The following CFAP92 variants were observed in gnomAD, a reference collection of about 807,000 sequenced individuals.
CFAP92 encodes uncharacterized protein CFAP92.
A neutral mutation model predicts 106.3 loss-of-function variants in CFAP92; 86 were observed. The ratio of observed to expected loss-of-function variants is 0.81; its 90% CI spans 0.68 to 0.97. The LOEUF is 0.97. Among genes scored for constraint, CFAP92 ranks in the 50% least tolerant of loss-of-function variants. The probability of loss-of-function intolerance (pLI) is 0.00; values close to 1 mark genes in which losing one functional copy is unlikely to be tolerated. For synonymous variants in CFAP92, 477 were observed against 506.4 expected, an observed-to-expected ratio of 0.94 and a Z score of 0.78; for missense variants, 1,204 against 1,283.8, an observed-to-expected ratio of 0.94 and a Z score of 0.95.
chr3:129,014,896 C>T, the CFAP92 span, among the ~76,000 whole-genome samples: 1 of 152,042 alleles, frequency 6.6e-6, no homozygotes, highest in Admixed American at 6.5e-5. The surrounding 1 kb of genome is among the most constrained non-coding windows in gnomAD (Gnocchi z 4.3). Context: ...CCCTCCTCAC[C>T]TGTACACACG....
intron 9 of CFAP92, among the ~76,000 whole-genome samples, chr3:128,949,394 G>A (rs1371469546): frequency 1.3e-5 from 2 of 152,218 alleles, no homozygotes; most frequent in African/African-American, 4.8e-5. Context: ...AAGAACTACC[G>A]ATAGATGCGG....
At chr3:128,968,380 A>T (rs1393833962) in intron 8 of CFAP92, 1 of 152,234 alleles carries the variant, frequency 6.6e-6, no homozygotes, top group Non-Finnish European at 1.5e-5. Context: ...CTAATTTGAA[A>T]TTGAAGATGA....
At chr3:128,917,612 A>C (rs746415803) in intron 12 of CFAP92, among the ~76,000 whole-genome samples, 4 of 152,246 alleles carry the variant, frequency 2.6e-5, no homozygotes, top group African/African-American at 4.8e-5. Context: ...CTAAGAATTT[A>C]ACATAAGAAA....
At position 128,993,295 on chromosome 3, in the gene CFAP92, G is replaced by A. The variant is rs1944335203; in HGVS notation, c.10C>T (p.His4Tyr). 3 of 1,613,106 alleles carry A rather than the reference G, an allele frequency of 1.9e-6. No individual in the cohort carries two copies. Among genetic ancestry groups the A allele is most frequent in the Non-Finnish European group, 2.5e-6 (3 of 1,179,724 alleles). The change falls in exon 2 of 16, where the codon CAT becomes TAT. Residue 4 changes from histidine to tyrosine, a missense_variant. His to Tyr is a moderately conservative substitution (Grantham distance 83). Transcript: ENST00000645291. ...GGGTCCTCTTCCCACTCCCAGGCATGTAGCGACATGCTGCAGAGCGCACTG... is the reference window on the plus strand; with the variant it reads ...GGGTCCTCTTCCCACTCCCAGGCATATAGCGACATGCTGCAGAGCGCACTG... MSL[H>Y]AWEWEEDPAS...
In CFAP92 at chr3:128,987,610, G is replaced by A; in HGVS notation, c.667+6C>T. ...TCCAGAACCATTTCAAATAAAACCA[G>A]AGCACCTGACTTATGAAAAGCTCCC... On this transcript the variant is annotated splice_donor_region_variant and intron_variant, in intron 4 of 15. Coordinates refer to ENST00000645291, the MANE Select transcript of CFAP92 (RefSeq NM_001394090.1). 1.2e-6 allele frequency: 2 copies of A among 1,612,850 alleles called. No individual in the cohort carries two copies. The highest frequency in any genetic ancestry group is 1.7e-6 in the Non-Finnish European group (2 of 1,179,142).
intron 2 of CFAP92, among the ~76,000 whole-genome samples, chr3:128,990,568 TA>T (rs1300720628): frequency 6.6e-6 from 1 of 152,202 alleles, no homozygotes; most frequent in Non-Finnish European, 1.5e-5. Context: ...CAAAACATTT[TA>T]AAGTAAGTTG....
At chr3:129,021,000 G>A in the CFAP92 span, among the ~76,000 whole-genome samples, 1 of 152,204 alleles carries the variant, frequency 6.6e-6, no homozygotes, top group Non-Finnish European at 1.5e-5. Context: ...CTGGAACAGG[G>A]CATCTCCTTG....
intron 2 of CFAP92, among the ~76,000 whole-genome samples, chr3:128,990,941 C>T (rs1165596026): frequency 1.3e-5 from 2 of 151,808 alleles, no homozygotes; most frequent in Non-Finnish European, 2.9e-5. Flanking sequence ...CATTTATGTA[C>T]TCATCTGTAA....
intron 2 of CFAP92, among the ~76,000 whole-genome samples, chr3:128,989,712 T>C: frequency 6.6e-6 from 1 of 152,240 alleles, no homozygotes; most frequent in East Asian, 1.9e-4. Context: ...AACATGACTG[T>C]CTTTAAAGCT....
rs979811606 is a variant in CFAP92, at chr3:129,002,041, C to T, written n.117+533G>A. 13 of 1,543,436 alleles carry T rather than the reference C, an allele frequency of 8.4e-6. No homozygotes were observed. In the East Asian group the frequency reaches 2.2e-4, roughly 27 times the overall value. ...CGCCTGGCGCTGCGCGCCGAGCCGCCGGAGCTCACCTTCCGCCAGTTCCAC... is the reference window on the plus strand; with the variant it reads ...CGCCTGGCGCTGCGCGCCGAGCCGCTGGAGCTCACCTTCCGCCAGTTCCAC... On this transcript the variant is annotated intron_variant and non_coding_transcript_variant, in intron 1 of 4. Transcript: ENST00000510149.
intron 12 of CFAP92, among the ~76,000 whole-genome samples, chr3:128,928,812 T>C (rs1242591898): frequency 6.6e-6 from 1 of 152,172 alleles, no homozygotes; most frequent in Non-Finnish European, 1.5e-5. Flanking sequence ...TAAGAACTTT[T>C]ATACTTCAAA....
intron 14 of CFAP92, 35 bp from the exon 15 acceptor site, chr3:128,915,310 AG>A: frequency 1.3e-6 from 2 of 1,535,900 alleles, no homozygotes; most frequent in Non-Finnish European, 1.7e-6. Context: ...AGGAGGAGAA[AG>A]GTCCCTATGG....
At chr3:128,998,744 C>T (rs1434739117), upstream of CFAP92, among the ~76,000 whole-genome samples, 3 of 152,146 alleles carry the variant, frequency 2.0e-5, no homozygotes, top group Non-Finnish European at 4.4e-5. Flanking sequence ...GCAGTGTCTG[C>T]AAAGAAACCA....
intron 12 of CFAP92, among the ~76,000 whole-genome samples, chr3:128,925,524 CTG>C (rs1189478649): frequency 3.3e-5 from 5 of 152,144 alleles, no homozygotes; most frequent in South Asian, 4.2e-4. Flanking sequence ...GAAAAAAAGA[CTG>C]TAAAATAAAA....
At chr3:128,960,404 G>C (rs1199548788) in intron 9 of CFAP92, among the ~76,000 whole-genome samples, 1 of 152,206 alleles carries the variant, frequency 6.6e-6, no homozygotes, top group Non-Finnish European at 1.5e-5. Flanking sequence ...AATCCGGTAA[G>C]CGGCCTCTTT....
chr3:128,923,620 G>A (rs1047657842), intron 12 of CFAP92, among the ~76,000 whole-genome samples: 4 of 152,168 alleles, frequency 2.6e-5, no homozygotes, highest in South Asian at 2.1e-4. Context: ...AAACCAGAGC[G>A]ACTACATTTT....
At chr3:129,011,707 G>T in the CFAP92 span, among the ~76,000 whole-genome samples, 1 of 152,056 alleles carries the variant, frequency 6.6e-6, no homozygotes, top group Non-Finnish European at 1.5e-5. Flanking sequence ...GCTGATCAGT[G>T]GTGTCCCCAG....
chr3:128,950,251 GC>G (rs1940648853), intron 9 of CFAP92, among the ~76,000 whole-genome samples: 1 of 152,150 alleles, frequency 6.6e-6, no homozygotes, highest in African/African-American at 2.4e-5. Context: ...AACTAGGAAA[GC>G]CCTGTAGAAC....
chr3:128,956,977 CA>C (rs766884799), intron 9 of CFAP92, among the ~76,000 whole-genome samples: 1 of 28,598 alleles, frequency 3.5e-5, no homozygotes, highest in African/African-American at 6.6e-5. Context: ...CAGACTCTCT[CA>C]AAAAAAAAAA....
Sources: gnomAD v4.1 joint callset for allele counts (sites outside exome capture counted in the v4.1 genomes callset) on GRCh38, gnomAD v4.1.1 for gene constraint, Gnocchi (gnomAD v3.1) non-coding constraint, MANE v1.5 for transcripts, NCBI Gene and HGNC (gene_info 2026-07-23, HGNC 2026-07-21) for gene names.